The following DMGDH variants were observed in gnomAD, a reference collection of about 807,000 sequenced individuals.
The protein encoded by DMGDH is dimethylglycine dehydrogenase, mitochondrial.
Under a neutral mutation model 95.2 loss-of-function variants are expected in DMGDH, and 76 were observed. The observed-to-expected ratio is 0.80, with a 90% CI of 0.66 to 0.97. The LOEUF is 0.97. DMGDH is among the 50% of genes least tolerant of loss of function. DMGDH has a pLI of 0.00. For synonymous variants in DMGDH, 345 were observed against 377.6 expected, an observed-to-expected ratio of 0.91 and a Z score of 1.00; for missense variants, 987 against 1,055.0, an observed-to-expected ratio of 0.94 and a Z score of 0.89.
At chr5:79,027,625 T>C (rs1754037779) in intron 12 of DMGDH, among the ~76,000 whole-genome samples, 2 of 152,166 alleles carry the variant, frequency 1.3e-5, no homozygotes, top group African/African-American at 4.8e-5. Context: ...CTGTATCAAA[T>C]ACCTACCATG....
At chr5:79,038,268 G>A (rs1222038977) in intron 7 of DMGDH, among the ~76,000 whole-genome samples, 1 of 152,136 alleles carries the variant, frequency 6.6e-6, no homozygotes, top group African/African-American at 2.4e-5. Flanking sequence ...TGGATCACTT[G>A]AGGTCAGGAG....
intron 2 of DMGDH, among the ~76,000 whole-genome samples, chr5:79,058,938 G>T (rs966578900): frequency 6.6e-6 from 1 of 152,092 alleles, no homozygotes; most frequent in Non-Finnish European, 1.5e-5. Context: ...ACCTCAAAAA[G>T]TCCAGTGACT....
intron 7 of DMGDH, among the ~76,000 whole-genome samples, chr5:79,034,959 A>G (rs923660563): frequency 2.7e-5 from 4 of 146,832 alleles, no homozygotes; most frequent in African/African-American, 1.0e-4. Context: ...TGGGAGGCTG[A>G]GGCAGGAGAA....
At position 79,069,602 on chromosome 5, in the gene DMGDH, G is replaced by T; in HGVS notation, c.19C>A (p.Gln7Lys). Residue 7 changes from glutamine to lysine, a missense_variant, in exon 1 of 16, where the codon CAG becomes AAG. Physicochemically the swap from Gln to Lys is moderately conservative, Grantham distance 53. Transcript: ENST00000255189. MLRPGA[Q>K]LLRGLLLRSC... ...CGCAGCAGGAGGCCCCGCAGCAGCT[G>T]CGCGCCGGGACGGAGCATGACTAGG... The T allele has an allele frequency of 7.3e-7, 1 of 1,369,598 alleles. No homozygotes were observed. Among genetic ancestry groups the T allele is most frequent in the Non-Finnish European group, 9.4e-7 (1 of 1,059,914 alleles). 84.8% of individuals were successfully genotyped at this position (1,369,598 alleles called of 1,614,324 possible).
chr5:79,031,064 T>C, intron 9 of DMGDH, 66 bp from the exon 10 acceptor site: 1 of 1,563,542 alleles, frequency 6.4e-7, no homozygotes, highest in African/African-American at 1.4e-5. Flanking sequence ...CAGAATACGA[T>C]ATTTTAATAA....
In DMGDH at chr5:79,063,633, C is replaced by G; in HGVS notation, c.256G>C (p.Ala86Pro). Reference sequence around the variant, plus strand: ...CTTACTGCGTGCCAGGTAGATCCAGCCGTGAGCTCTGATTTCTCCAGCAGG... The same window carrying G: ...CTTACTGCGTGCCAGGTAGATCCAGGCGTGAGCTCTGATTTCTCCAGCAGG... ...VVLLEKSELT[A>P]GSTWHAAGLT... The change falls in exon 2 of 16, where the codon GCT becomes CCT. Residue 86 changes from alanine (A) to proline (P), a missense_variant. By Grantham distance (27) the Ala-to-Pro change is conservative. Transcript: ENST00000255189. 1 of 1,614,180 alleles carries G rather than the reference C, an allele frequency of 6.2e-7. No individual in the cohort carries two copies. The highest frequency in any genetic ancestry group is 8.5e-7 in the Non-Finnish European group (1 of 1,180,034).
Position 79,031,118 on chromosome 5 carries a change from C to T in DMGDH, c.1518-120G>A, listed in dbSNP as rs1017256946. ...ATCCTACGGGCAGCGGGGAGTGGGA[C>T]TATGGGAGGCGAGACCATGCAACCT... On this transcript the variant is annotated intron_variant, in intron 9 of 15. Transcript: ENST00000255189. 1.2e-5 allele frequency: 12 copies of T among 976,626 alleles called. No individual in the cohort carries two copies. The African/African-American group carries it at 1.6e-4, about 13-fold the overall frequency. 60.5% of individuals were successfully genotyped at this position (976,626 alleles called of 1,614,324 possible). A position where few individuals can be genotyped will look rare whatever the true frequency, so the allele number is the denominator to read the frequency against.
intron 15 of DMGDH, among the ~76,000 whole-genome samples, chr5:79,002,072 T>G (rs1419293920): frequency 6.6e-6 from 1 of 152,220 alleles, no homozygotes; most frequent in Non-Finnish European, 1.5e-5. Context: ...TAATTCTCAT[T>G]TATTTTTAGC....
rs926828033 is a variant in DMGDH at position 79,069,531 on chromosome 5, G to A, written c.90C>T (p.Cys30=). The A allele has an allele frequency of 1.9e-4, 250 of 1,306,290 alleles. No homozygotes were observed. The highest frequency in any genetic ancestry group is 2.3e-4 in the Non-Finnish European group (234 of 1,030,224). The allele number at this position is 1,306,290 out of a possible 1,614,324, so 80.9% of individuals were successfully genotyped here. Residue 30 remains cysteine (C), a synonymous_variant, in exon 1 of 16, where the codon TGC becomes TGT. Coordinates refer to ENST00000255189, the MANE Select transcript of DMGDH (RefSeq NM_013391.3). ...GGGGCCCCACTCACCCTTCCCGGCC[G>A]CAGACAGAGCGCGGGCGCCCGGGGG... ...QGSPGRPRSV[C]GREGEEKPPL... is the part of the protein sequence containing the mutation.
At chr5:79,026,634 C>G (rs1754010351) in intron 12 of DMGDH, 53 bp from the exon 13 acceptor site, 1 of 1,611,778 alleles carries the variant, frequency 6.2e-7, no homozygotes, top group African/African-American at 1.3e-5. Flanking sequence ...ATCACTAGAT[C>G]TAATGTGCAT....
At chr5:79,058,476 T>C (rs1467814964) in intron 2 of DMGDH, among the ~76,000 whole-genome samples, 1 of 152,350 alleles carries the variant, frequency 6.6e-6, no homozygotes, top group Non-Finnish European at 1.5e-5. Context: ...CTCAGGATTT[T>C]ATAGTCTGAG....
At chr5:79,042,170 TTC>T (rs149791973) in intron 7 of DMGDH, 111 bp downstream of exon 7, 776 of 997,386 alleles carry the variant, frequency 7.8e-4, no homozygotes, top group Non-Finnish European at 9.4e-4. Context: ...CTGTTTCTCT[TTC>T]TCTCTCTCTC....
At chr5:79,049,419 G>A (rs1021735670) in intron 5 of DMGDH, among the ~76,000 whole-genome samples, 3 of 152,198 alleles carry the variant, frequency 2.0e-5, no homozygotes, top group African/African-American at 7.2e-5. Context: ...AAAGTACTGT[G>A]TTGAGAAAAA....
intron 4 of DMGDH, among the ~76,000 whole-genome samples, chr5:79,052,590 C>A (rs1247364367): frequency 1.3e-5 from 2 of 152,156 alleles, no homozygotes; most frequent in Non-Finnish European, 2.9e-5. Context: ...TTGTAGTAAT[C>A]CCACATCTGT....
chr5:79,035,595 A>C (rs1311047369), intron 7 of DMGDH, among the ~76,000 whole-genome samples: 1 of 152,138 alleles, frequency 6.6e-6, no homozygotes. Context: ...AGCACTGTCT[A>C]TATTTTTGAC....
rs1489361900 is a variant in DMGDH at position 79,001,049 on chromosome 5, GC to G, written c.2386-2753del. 8.5e-5 allele frequency: 57 copies of G among 672,604 alleles called. No homozygotes were observed. In the South Asian group the frequency reaches 9.0e-4, roughly 11 times the overall value. The allele number at this position is 672,604 out of a possible 1,614,324, so 41.7% of individuals were successfully genotyped here. ...AGTCATCAATGACACACCATTCCTC[GC>G]CATCAATGGCTACCATTGCTTCAAT... On this transcript the variant is annotated intron_variant, in intron 15 of 15. Coordinates refer to ENST00000255189, the MANE Select transcript of DMGDH (RefSeq NM_013391.3).
intron 15 of DMGDH, among the ~76,000 whole-genome samples, chr5:79,004,632 G>A (rs1753512679): frequency 6.6e-6 from 1 of 152,144 alleles, no homozygotes; most frequent in African/African-American, 2.4e-5. Flanking sequence ...AATGGAGAAA[G>A]TAACTGAATG....
chr5:79,035,005 C>T (rs1187928750), intron 7 of DMGDH, among the ~76,000 whole-genome samples: 3 of 141,512 alleles, frequency 2.1e-5, no homozygotes, highest in Non-Finnish European at 4.5e-5. Flanking sequence ...TGCAGTGAGC[C>T]GAGATCGCGC....
chr5:79,044,431 A>G lies in DMGDH; in HGVS notation c.867T>C (p.Pro289=), dbSNP rs1375571199. 6 of 1,614,092 alleles carry G rather than the reference A, an allele frequency of 3.7e-6. No homozygotes were observed. Among genetic ancestry groups the G allele is most frequent in the Non-Finnish European group, 5.1e-6 (6 of 1,180,038 alleles). ...ATGATCCTTCCAGGTCACGGAGCAC[A>G]GGCAGTTCTCGTTTCAAAGCTTTCA... The part of the protein sequence containing the change: ...SEVKALKREL[P]VLRDLEGSYY... Residue 289 remains proline (P), a synonymous_variant, in exon 6 of 16, where the codon CCT becomes CCC. Coordinates refer to ENST00000255189, the MANE Select transcript of DMGDH (RefSeq NM_013391.3).
Sources: gnomAD v4.1 joint callset for allele counts (sites outside exome capture counted in the v4.1 genomes callset) on GRCh38, gnomAD v4.1.1 for gene constraint, MANE v1.5 for transcripts, NCBI Gene and HGNC (gene_info 2026-07-23, HGNC 2026-07-21) for gene names.